Variants in AGBL1 observed in about 807,000 individuals in gnomAD.
The protein encoded by AGBL1 is cytosolic carboxypeptidase 4.
A neutral mutation model predicts 118.9 loss-of-function variants in AGBL1; 130 were observed. The ratio of observed to expected loss-of-function variants is 1.09; its 90% CI spans 0.95 to 1.26. The LOEUF (loss-of-function observed/expected upper bound fraction) is 1.26, where lower values mean the gene tolerates loss of function less well. Ranked by LOEUF, AGBL1 falls within the 50% of genes most tolerant of loss-of-function variation. The pLI, the probability that AGBL1 is intolerant of heterozygous loss-of-function variation, is 0.00. For synonymous variants in AGBL1, 555 were observed against 478.9 expected (o/e 1.16, Z -2.08); for missense variants, 1,584 against 1,298.1 (o/e 1.22, Z -3.38).
chr15:86,380,101 G>C (rs990041215), intron 17 of AGBL1, among the ~76,000 whole-genome samples: 2 of 151,764 alleles, frequency 1.3e-5, no homozygotes, highest in East Asian at 3.9e-4. Context: ...ATGACTTCCC[G>C]GGGACTTTTA....
chr15:86,932,465 A>G (rs1056733355), intron 23 of AGBL1, among the ~76,000 whole-genome samples: 3 of 152,176 alleles, frequency 2.0e-5, no homozygotes, highest in Non-Finnish European at 4.4e-5. Flanking sequence ...ACCTGTTTCA[A>G]AGGGTGCGTG....
At chr15:86,160,211 T>A (rs12913658) in intron 5 of AGBL1, among the ~76,000 whole-genome samples, 20 of 150,056 alleles carry the variant, frequency 1.3e-4, no homozygotes, top group African/African-American at 4.9e-4. Flanking sequence ...TATTGCAAGG[T>A]GGAATTCAAT....
intron 1 of AGBL1, among the ~76,000 whole-genome samples, chr15:86,133,424 A>G (rs894201201): frequency 5.3e-5 from 8 of 152,216 alleles, no homozygotes; most frequent in Non-Finnish European, 1.2e-4. Context: ...CACATGTCAC[A>G]ATAAACCCGG....
At chr15:86,307,325 C>T (rs2141815930) in intron 17 of AGBL1, among the ~76,000 whole-genome samples, 1 of 152,146 alleles carries the variant, frequency 6.6e-6, no homozygotes, top group Middle Eastern at 3.4e-3. Flanking sequence ...GAATATTCCT[C>T]TGTGTTAAAC....
At chr15:86,154,284 T>C (rs1282390098) in intron 3 of AGBL1, 146 bp from the exon 4 acceptor site, 2 of 823,256 alleles carry the variant, frequency 2.4e-6, no homozygotes, top group Non-Finnish European at 3.7e-6. Flanking sequence ...GGGACATATT[T>C]AGCAGCATTT....
intron 6 of AGBL1, 91 bp from the exon 7 acceptor site, chr15:86,247,580 A>T: frequency 2.4e-6 from 3 of 1,266,786 alleles, no homozygotes; most frequent in Non-Finnish European, 3.4e-6. Flanking sequence ...GATGATTAAT[A>T]AGTATCTTGT....
intron 22 of AGBL1, among the ~76,000 whole-genome samples, chr15:86,812,769 AC>A (rs1415725830): frequency 6.6e-6 from 1 of 152,088 alleles, no homozygotes; most frequent in African/African-American, 2.4e-5. Context: ...CACAATCACC[AC>A]CCATGTTATA....
intron 6 of AGBL1, among the ~76,000 whole-genome samples, chr15:86,230,763 G>A (rs891899315): frequency 6.6e-6 from 1 of 152,144 alleles, no homozygotes; most frequent in African/African-American, 2.4e-5. Flanking sequence ...TATTTGTGGT[G>A]CACCACATGA....
intron 18 of AGBL1, among the ~76,000 whole-genome samples, chr15:86,497,036 A>C (rs2082863297): frequency 6.6e-6 from 1 of 152,028 alleles, no homozygotes; most frequent in Admixed American, 6.6e-5. Context: ...AAAGTTGTGC[A>C]ATATCTCTAT....
intron 22 of AGBL1, among the ~76,000 whole-genome samples, chr15:86,825,625 T>TA (rs573362624): frequency 0.017 from 1,211 of 70,560 alleles, 10 homozygotes; most frequent in Middle Eastern, 0.078. Context: ...ATCAGGAAAA[T>TA]AAAAAAAGGA....
intron 21 of AGBL1, among the ~76,000 whole-genome samples, chr15:86,618,725 A>T (rs187371437): frequency 3.0e-4 from 46 of 152,318 alleles, no homozygotes; most frequent in African/African-American, 1.1e-3. Context: ...TCCTTACTGC[A>T]CCAGAAAATG....
intron 1 of AGBL1, among the ~76,000 whole-genome samples, chr15:86,088,736 T>C (rs1399855338): frequency 6.6e-6 from 1 of 152,234 alleles, no homozygotes; most frequent in South Asian, 2.1e-4. Flanking sequence ...ATCTTCATTT[T>C]TTAAAAAATC....
intron 1 of AGBL1, among the ~76,000 whole-genome samples, chr15:86,091,076 C>T (rs865840485): frequency 1.3e-5 from 2 of 152,286 alleles, no homozygotes; most frequent in African/African-American, 2.4e-5. Context: ...GGTACTGCCA[C>T]CGACTTTCTG....
chr15:86,463,127 C>T (rs919883981), intron 18 of AGBL1, among the ~76,000 whole-genome samples: 8 of 152,176 alleles, frequency 5.3e-5, no homozygotes, highest in African/African-American at 1.7e-4. Context: ...TAATGATCGC[C>T]ATTCTAACTG....
intron 18 of AGBL1, among the ~76,000 whole-genome samples, chr15:86,405,219 T>G (rs893151337): frequency 2.0e-5 from 3 of 152,134 alleles, no homozygotes; most frequent in African/African-American, 7.2e-5. Flanking sequence ...TTAAAGAAAG[T>G]GCCTATGCCT....
intron 11 of AGBL1, among the ~76,000 whole-genome samples, 181 bp from the exon 12 acceptor site, chr15:86,266,193 C>T (rs1453038445): frequency 2.0e-5 from 3 of 152,094 alleles, no homozygotes; most frequent in Non-Finnish European, 1.5e-5. Flanking sequence ...TTGATAGAGG[C>T]AGAGAAAGAA....
chr15:86,495,517 T>A (rs2082839196), intron 18 of AGBL1, among the ~76,000 whole-genome samples: 1 of 151,934 alleles, frequency 6.6e-6, no homozygotes, highest in African/African-American at 2.4e-5. Context: ...ATTTTATAAC[T>A]TCCATCATTT....
intron 24 of AGBL1, among the ~76,000 whole-genome samples, chr15:87,028,199 G>A (rs975940970): frequency 1.1e-4 from 17 of 151,916 alleles, no homozygotes; most frequent in Non-Finnish European, 1.8e-4. Flanking sequence ...ATTCAATGCA[G>A]TAAGTTGTGA....
chr15:86,162,540 G>T (rs1811172292), intron 5 of AGBL1, among the ~76,000 whole-genome samples: 1 of 152,176 alleles, frequency 6.6e-6, no homozygotes, highest in Admixed American at 6.5e-5. Flanking sequence ...CCTCAGCCCA[G>T]GGCAGGCAGC....
Sources: gnomAD v4.1 joint callset for allele counts (sites outside exome capture counted in the v4.1 genomes callset) on GRCh38, gnomAD v4.1.1 for gene constraint, MANE v1.5 for transcripts, NCBI Gene and HGNC (gene_info 2026-07-23, HGNC 2026-07-21) for gene names.